Variants in CA8 observed in about 807,000 individuals in gnomAD.
CA8 encodes carbonic anhydrase-related protein.
Under a neutral mutation model 41.4 loss-of-function variants are expected in CA8, and 22 were observed. That is an observed-to-expected ratio of 0.53 (90% CI 0.38 to 0.76). The LOEUF is 0.76. Among genes scored for constraint, CA8 ranks in the 30% least tolerant of loss-of-function variants. CA8 has a pLI of 0.00. For missense variants in CA8, 270 were observed against 352.8 expected, an observed-to-expected ratio of 0.77 and a Z score of 1.88; for synonymous variants, 121 against 130.6, an observed-to-expected ratio of 0.93 and a Z score of 0.50.
chr8:60,208,879 G>T lies in CA8; in HGVS notation c.779C>A (p.Ala260Glu), dbSNP rs778510206. The T allele has an allele frequency of 6.2e-7, 1 of 1,614,052 alleles. No homozygotes were observed. Among genetic ancestry groups the T allele is most frequent in the Non-Finnish European group, 8.5e-7 (1 of 1,180,010 alleles). The change falls in exon 8 of 9, where the codon GCA (alanine) becomes GAA (glutamate). Residue 260 changes from alanine (A) to glutamate (E), a missense_variant. Around this residue, in one of 3 missense-constraint regions of CA8, gnomAD observed 141 missense variants for 191.6 expected, o/e 0.74. Coordinates refer to ENST00000317995, the MANE Select transcript of CA8 (RefSeq NM_004056.6). ...CCCATCACAGCCTTCCACAAGTTCTGCCCCCTTAACATGTGTCCTCAGCCT... is the reference window on the plus strand; with the variant it reads ...CCCATCACAGCCTTCCACAAGTTCTTCCCCCTTAACATGTGTCCTCAGCCT... ...FRRLRTHVKG[A>E]ELVEGCDGIL...
chr8:60,241,066 C>T (rs976908700), intron 3 of CA8, among the ~76,000 whole-genome samples: 4 of 152,136 alleles, frequency 2.6e-5, no homozygotes, highest in Non-Finnish European at 4.4e-5. Context: ...TCCAGATCCA[C>T]TCATAATTAT....
rs777859490 is a variant in CA8 at position 60,281,178 on chromosome 8, G to C, written c.-31C>G. On this transcript the variant is annotated 5_prime_UTR_variant, in exon 1 of 9. Transcript: ENST00000317995. ...GGCCGCGGGGCCCCTCGGCGCTCTC[G>C]GCAGCAGTGCCTGCGCCTTCGCTGG... 21 of 1,472,654 alleles carry C rather than the reference G, an allele frequency of 1.4e-5. 1 individual carries two copies. Among genetic ancestry groups the C allele is most frequent in the South Asian group, 1.2e-4 (10 of 82,686 alleles). The allele number at this position is 1,472,654 out of a possible 1,614,324, so 91.2% of individuals were successfully genotyped here. A position where few individuals can be genotyped will look rare whatever the true frequency, so the allele number is the denominator to read the frequency against.
chr8:60,244,268 A>G (rs74701322), intron 3 of CA8, among the ~76,000 whole-genome samples: 5,936 of 152,230 alleles, frequency 0.039, 174 homozygotes, highest in South Asian at 0.13. Context: ...CTATAGATAG[A>G]CTTATGCCCG....
At chr8:60,211,402 A>C (rs1326994376) in intron 7 of CA8, among the ~76,000 whole-genome samples, 1 of 152,242 alleles carries the variant, frequency 6.6e-6, no homozygotes, top group Non-Finnish European at 1.5e-5. Flanking sequence ...CTTTCCATGT[A>C]ATCATACTTA....
Position 60,188,917 on chromosome 8 carries a change from T to G in CA8, c.*1104A>C, listed in dbSNP as rs555692295. On this transcript the variant is annotated 3_prime_UTR_variant, in exon 9 of 9. Coordinates refer to ENST00000317995, the MANE Select transcript of CA8 (RefSeq NM_004056.6). ...ATTTCTATGACTTAGATATTCTGCA[T>G]CACAAAATCCCTCCAAACTGGGACT... is the stretch of plus-strand genomic sequence containing the variant. 4 of 152,296 alleles carry G rather than the reference T, an allele frequency of 2.6e-5. No individual in the cohort carries two copies. The highest frequency in any genetic ancestry group is 2.1e-4 in the South Asian group (1 of 4,828). 9.4% of individuals were successfully genotyped at this position (152,296 alleles called of 1,614,324 possible). A position where few individuals can be genotyped will look rare whatever the true frequency, so the allele number is the denominator to read the frequency against.
chr8:60,219,067 A>T (rs1334772246), intron 7 of CA8, among the ~76,000 whole-genome samples: 1 of 152,090 alleles, frequency 6.6e-6, no homozygotes, highest in African/African-American at 2.4e-5. Flanking sequence ...CAGCCTCAGG[A>T]AAGTGCCTCA....
At chr8:60,268,823 T>G (rs1351823208) in intron 2 of CA8, among the ~76,000 whole-genome samples, 1 of 151,922 alleles carries the variant, frequency 6.6e-6, no homozygotes, top group Non-Finnish European at 1.5e-5. Context: ...CCTATCTGGT[T>G]ACTACACAGG....
rs28429093 is a variant in CA8 at position 60,279,975 on chromosome 8, C to T, written c.101-95G>A. 378,999 of 947,572 alleles carry T rather than the reference C, an allele frequency of 0.4. 79,429 individuals are homozygous for T. The highest frequency in any genetic ancestry group is 0.57 in the African/African-American group (34,398 of 60,148). The allele number at this position is 947,572 out of a possible 1,614,324, so 58.7% of individuals were successfully genotyped here. ...ACTAAACACTTAGAACCCTTGATATCATGAAGAGAGTAATGATACCATCAC... is the reference window on the plus strand; with the variant it reads ...ACTAAACACTTAGAACCCTTGATATTATGAAGAGAGTAATGATACCATCAC... On this transcript the variant is annotated intron_variant, in intron 1 of 8. Coordinates refer to ENST00000317995, the MANE Select transcript of CA8 (RefSeq NM_004056.6).
At chr8:60,221,450 A>G (rs2130463330) in intron 7 of CA8, among the ~76,000 whole-genome samples, 1 of 152,320 alleles carries the variant, frequency 6.6e-6, no homozygotes, top group South Asian at 2.1e-4. Context: ...ATTTAGTGGT[A>G]CTAAGAAACA....
intron 3 of CA8, among the ~76,000 whole-genome samples, chr8:60,261,450 G>T (rs1380839386): frequency 1.3e-5 from 2 of 152,174 alleles, no homozygotes; most frequent in Non-Finnish European, 2.9e-5. Flanking sequence ...TTTAGGCCCA[G>T]AAGGCAAGAA....
intron 1 of CA8, 97 bp downstream of exon 1, chr8:60,280,950 GC>G: frequency 1.2e-6 from 1 of 857,876 alleles, no homozygotes; most frequent in Non-Finnish European, 1.9e-6. Context: ...GCGTGGGGGT[GC>G]TCGGAGCGCG....
At position 60,190,938 on chromosome 8, in the gene CA8, CTATATA is replaced by C. The variant is rs35486936; in HGVS notation, c.*36-959_*36-954del. ...GTGGACACACCTGCACACACACACA[CTATATA>C]TATATATATATATACACACACACAT... On this transcript the variant is annotated intron_variant, in intron 8 of 8. Transcript: ENST00000317995. 2.1e-4 allele frequency among the ~76,000 whole-genome samples: 25 copies of C among 117,352 alleles called. 1 individual carries two copies. Among genetic ancestry groups the C allele is most frequent in the African/African-American group, 5.5e-4 (16 of 29,278 alleles). The allele number at this position is 117,352 out of a possible 152,430, so 77.0% of individuals were successfully genotyped here. A position where few individuals can be genotyped will look rare whatever the true frequency, so the allele number is the denominator to read the frequency against.
chr8:60,227,216 A>T (rs1051382228), intron 4 of CA8, among the ~76,000 whole-genome samples: 3 of 152,088 alleles, frequency 2.0e-5, no homozygotes, highest in Non-Finnish European at 4.4e-5. Context: ...GCTTGAACCC[A>T]GGAGGCGGAG....
chr8:60,223,662 C>A (rs544214969), intron 6 of CA8, among the ~76,000 whole-genome samples: 14 of 152,244 alleles, frequency 9.2e-5, no homozygotes, highest in Middle Eastern at 6.8e-3. Flanking sequence ...AATCATATTA[C>A]AATAAAACAA....
intron 4 of CA8, among the ~76,000 whole-genome samples, chr8:60,228,510 C>A (rs1246770145): frequency 6.6e-6 from 1 of 152,212 alleles, no homozygotes; most frequent in Non-Finnish European, 1.5e-5. Flanking sequence ...TAAGGCCACT[C>A]AATGTGGTGC....
At chr8:60,280,862 C>A (rs1585946541) in intron 1 of CA8, among the ~76,000 whole-genome samples, 186 bp downstream of exon 1, 1 of 151,882 alleles carries the variant, frequency 6.6e-6, no homozygotes, top group Non-Finnish European at 1.5e-5. Context: ...GCGGCGAGCA[C>A]GCCTCCCTGG....
At chr8:60,232,534 C>T in intron 3 of CA8, 155 bp from the exon 4 acceptor site, 1 of 702,036 alleles carries the variant, frequency 1.4e-6, no homozygotes, top group South Asian at 1.5e-5. Flanking sequence ...TACGAGTTCT[C>T]TGTATGAATT....
chr8:60,196,156 G>T (rs558026135), intron 8 of CA8, among the ~76,000 whole-genome samples: 1 of 151,926 alleles, frequency 6.6e-6, no homozygotes, highest in Non-Finnish European at 1.5e-5. Flanking sequence ...ACTATATAAA[G>T]GTTAATAAGC....
At chr8:60,268,946 G>A (rs1803983956) in intron 2 of CA8, among the ~76,000 whole-genome samples, 1 of 152,206 alleles carries the variant, frequency 6.6e-6, no homozygotes, top group Non-Finnish European at 1.5e-5. Flanking sequence ...TGGTTCTCCA[G>A]GGAGAGGTGA....
Sources: allele counts gnomAD v4.1 joint callset (sites outside exome capture counted in the v4.1 genomes callset), GRCh38; gene constraint gnomAD v4.1.1; regional missense constraint gnomAD v4.1.1; transcripts MANE v1.5; gene names NCBI Gene and HGNC (gene_info 2026-07-23, HGNC 2026-07-21).